Variants in RNF17 observed in about 807,000 individuals in gnomAD.
The protein encoded by RNF17 is spermatogenesis associated 23.
A neutral mutation model predicts 200.5 loss-of-function variants in RNF17; 31 were observed. That is an observed-to-expected ratio of 0.15 (90% CI 0.12 to 0.21). The LOEUF is 0.21. Ranked by LOEUF, RNF17 falls within the 10% of genes least tolerant of loss-of-function variation. The pLI is 1.00. For missense variants in RNF17, 1,628 were observed against 1,905.1 expected, an observed-to-expected ratio of 0.85 and a Z score of 2.71; for synonymous variants, 606 against 637.8, an observed-to-expected ratio of 0.95 and a Z score of 0.75.
intron 15 of RNF17, among the ~76,000 whole-genome samples, chr13:24,814,165 A>G (rs945326329): frequency 2.6e-5 from 4 of 152,262 alleles, no homozygotes; most frequent in Non-Finnish European, 5.9e-5. Flanking sequence ...GGATCATTAT[A>G]CAAGTCTTCA....
In RNF17 at chr13:24,842,176, A is replaced by C. The variant is rs1890709737; in HGVS notation, c.2603+15A>C. 6.3e-7 allele frequency: 1 copy of C among 1,576,400 alleles called. No homozygotes were observed. Among genetic ancestry groups the C allele is most frequent in the Non-Finnish European group, 8.6e-7 (1 of 1,164,526 alleles). On this transcript the variant is annotated intron_variant, in intron 19 of 35. Transcript: ENST00000255324. The stretch of plus-strand genomic sequence containing the variant: ...TATGAAATAGGGTAAGTAGATATGT[A>C]AACTTTCATTGTTAGTTCATGTTCT...
intron 15 of RNF17, among the ~76,000 whole-genome samples, chr13:24,822,538 C>T (rs1158844164): frequency 2.6e-5 from 4 of 151,994 alleles, no homozygotes; most frequent in Non-Finnish European, 4.4e-5. Flanking sequence ...TCTTCTGGCT[C>T]AGCCTCCCAA....
At chr13:24,773,534 C>T (rs561255018) in intron 2 of RNF17, among the ~76,000 whole-genome samples, 1 of 152,236 alleles carries the variant, frequency 6.6e-6, no homozygotes. Flanking sequence ...AAACAGTAGA[C>T]ACTGGGGACT....
intron 11 of RNF17, 109 bp from the exon 12 acceptor site, chr13:24,799,283 CATT>C (rs1414714840): frequency 1.3e-6 from 1 of 782,424 alleles, no homozygotes; most frequent in African/African-American, 1.7e-5. Flanking sequence ...GCTATATCAT[CATT>C]AAATAAACGA....
At chr13:24,754,167 TA>T in the RNF17 span, among the ~76,000 whole-genome samples, 81 of 146,692 alleles carry the variant, frequency 5.5e-4, no homozygotes, top group South Asian at 1.7e-3. Flanking sequence ...AAAATAAAAT[TA>T]AAAAAAAAAT....
At chr13:24,768,941 A>T (rs1221158630) in intron 2 of RNF17, among the ~76,000 whole-genome samples, 1 of 152,094 alleles carries the variant, frequency 6.6e-6, no homozygotes, top group Non-Finnish European at 1.5e-5. Flanking sequence ...TATAACAAAA[A>T]ATTACATATT....
intron 18 of RNF17, among the ~76,000 whole-genome samples, chr13:24,837,651 A>G (rs1015798584): frequency 6.6e-5 from 10 of 152,212 alleles, no homozygotes; most frequent in Non-Finnish European, 1.5e-4. Flanking sequence ...ACTGAACGAC[A>G]TAATGACACA....
intron 9 of RNF17, among the ~76,000 whole-genome samples, chr13:24,790,438 A>G (rs1322786973): frequency 1.3e-5 from 2 of 152,258 alleles, no homozygotes; most frequent in Admixed American, 6.5e-5. Flanking sequence ...CACTAATCAC[A>G]TGTAGCTATT....
intron 19 of RNF17, among the ~76,000 whole-genome samples, chr13:24,842,445 C>A (rs756769866): frequency 1.5e-4 from 23 of 152,180 alleles, no homozygotes; most frequent in Non-Finnish European, 3.4e-4. Context: ...GCTTAGGAAG[C>A]CCCTTGTGCC....
chr13:24,788,440 G>A (rs1436087466), intron 7 of RNF17, among the ~76,000 whole-genome samples: 2 of 151,998 alleles, frequency 1.3e-5, no homozygotes, highest in South Asian at 2.1e-4. Flanking sequence ...CTGAGAGCAA[G>A]TAAGGTGACA....
chr13:24,757,922 A>AT, the RNF17 span, among the ~76,000 whole-genome samples: 1 of 152,066 alleles, frequency 6.6e-6, no homozygotes, highest in South Asian at 2.1e-4. Flanking sequence ...GGTGCAGGTG[A>AT]TTGGATCATG....
At chr13:24,850,628 T>C (rs1399749465) in intron 23 of RNF17, among the ~76,000 whole-genome samples, 185 bp downstream of exon 23, 1 of 152,250 alleles carries the variant, frequency 6.6e-6, no homozygotes, top group Non-Finnish European at 1.5e-5. Flanking sequence ...TTCTTTGCTT[T>C]CTTTTTTCTA....
the RNF17 span, among the ~76,000 whole-genome samples, chr13:24,887,517 G>A: frequency 6.6e-6 from 1 of 152,194 alleles, no homozygotes; most frequent in Non-Finnish European, 1.5e-5. Context: ...GATCCAGGTT[G>A]CACGCTCCTT....
chr13:24,807,066 G>A (rs1320923967), intron 15 of RNF17, among the ~76,000 whole-genome samples: 1 of 151,594 alleles, frequency 6.6e-6, no homozygotes, highest in Non-Finnish European at 1.5e-5. Context: ...CATTTGGCTT[G>A]GTTCCAAGTC....
intron 19 of RNF17, among the ~76,000 whole-genome samples, chr13:24,843,254 C>A (rs1890851108): frequency 6.6e-6 from 1 of 152,180 alleles, no homozygotes; most frequent in African/African-American, 2.4e-5. Context: ...CACAGTGGCT[C>A]ACGCCTGTAA....
intron 30 of RNF17, among the ~76,000 whole-genome samples, chr13:24,867,312 C>T (rs1250776020): frequency 2.6e-5 from 4 of 152,164 alleles, no homozygotes; most frequent in African/African-American, 9.7e-5. Context: ...AGGCATGGAC[C>T]ACCACATCCA....
intron 35 of RNF17, among the ~76,000 whole-genome samples, 197 bp from the exon 36 acceptor site, chr13:24,879,540 A>G (rs1895222365): frequency 6.6e-6 from 1 of 152,202 alleles, no homozygotes; most frequent in Non-Finnish European, 1.5e-5. Flanking sequence ...GGAGAGCAGG[A>G]GAGAGTGGCC....
intron 3 of RNF17, among the ~76,000 whole-genome samples, chr13:24,776,039 G>A (rs1269059094): frequency 6.6e-6 from 1 of 152,134 alleles, no homozygotes. Context: ...ATGGTAAGTA[G>A]ACTATGCAAG....
intron 18 of RNF17, among the ~76,000 whole-genome samples, chr13:24,834,470 G>A (rs549595645): frequency 2.6e-4 from 40 of 152,074 alleles, no homozygotes; most frequent in South Asian, 1.5e-3. Context: ...TGCAGGAAGC[G>A]GACTGCTCCT....
Sources: allele counts gnomAD v4.1 joint callset (sites outside exome capture counted in the v4.1 genomes callset), GRCh38; gene constraint gnomAD v4.1.1; transcripts MANE v1.5; gene names NCBI Gene and HGNC (gene_info 2026-07-23, HGNC 2026-07-21).